Variants in NLGN1 observed in about 807,000 individuals in gnomAD.
NLGN1 encodes the protein neuroligin 1, also known as neuroligin-1.
NLGN1 carries 12 observed loss-of-function variants against 65.5 expected under a neutral mutation model. That is an observed-to-expected ratio of 0.18 (90% CI 0.12 to 0.30). The LOEUF (loss-of-function observed/expected upper bound fraction) is 0.30. Ranked by LOEUF, NLGN1 falls within the 10% of genes least tolerant of loss-of-function variation. The probability of loss-of-function intolerance (pLI) is 1.00; values close to 1 mark genes in which losing one functional copy is unlikely to be tolerated. For synonymous variants in NLGN1, 350 were observed against 359.5 expected (o/e 0.97, Z 0.30); for missense variants, 750 against 1,007.1 (o/e 0.74, Z 3.46).
intron 4 of NLGN1, among the ~76,000 whole-genome samples, chr3:174,236,327 G>C (rs1741709684): frequency 6.6e-6 from 1 of 151,876 alleles, no homozygotes; most frequent in African/African-American, 2.4e-5. Flanking sequence ...TTCCTACCTA[G>C]TCTGTTAAAT....
intron 4 of NLGN1, 46 bp downstream of exon 4, chr3:173,807,878 T>C: frequency 6.4e-7 from 1 of 1,568,282 alleles, no homozygotes; most frequent in Non-Finnish European, 8.8e-7. Flanking sequence ...CCATGAAGTA[T>C]GTGATGGTTT....
At chr3:174,291,919 G>A in the NLGN1 span, among the ~76,000 whole-genome samples, 1 of 151,008 alleles carries the variant, frequency 6.6e-6, no homozygotes, top group Non-Finnish European at 1.5e-5. Flanking sequence ...AAATATGAAG[G>A]TAATAGAAAA....
intron 3 of NLGN1, among the ~76,000 whole-genome samples, chr3:173,631,698 C>G (rs964892784): frequency 7.2e-5 from 11 of 152,094 alleles, no homozygotes; most frequent in African/African-American, 2.4e-4. Context: ...CAAATTTACT[C>G]TAGAATGATA....
At chr3:173,406,228 TG>T (rs1718625102) in intron 1 of NLGN1, among the ~76,000 whole-genome samples, 2 of 151,832 alleles carry the variant, frequency 1.3e-5, no homozygotes, top group South Asian at 4.2e-4. Context: ...AGCCAAATAG[TG>T]GATGTAAAAG....
At chr3:173,906,672 G>T (rs1182328263) in intron 4 of NLGN1, among the ~76,000 whole-genome samples, 1 of 151,762 alleles carries the variant, frequency 6.6e-6, no homozygotes, top group East Asian at 1.9e-4. Context: ...TTTCCCTTCT[G>T]TGTCCTTTTT....
chr3:173,622,029 C>A (rs577145242), intron 3 of NLGN1, among the ~76,000 whole-genome samples: 1 of 152,106 alleles, frequency 6.6e-6, no homozygotes, highest in South Asian at 2.1e-4. Flanking sequence ...TTTACCAAAG[C>A]AGGGAGAAAA....
intron 4 of NLGN1, among the ~76,000 whole-genome samples, chr3:174,173,796 TTA>T (rs1403776284): frequency 6.6e-6 from 1 of 152,002 alleles, no homozygotes; most frequent in East Asian, 1.9e-4. Flanking sequence ...ATCTACATTT[TTA>T]TGTTCTTTTA....
chr3:173,958,384 G>T (rs1021424430), intron 4 of NLGN1, among the ~76,000 whole-genome samples: 3 of 152,092 alleles, frequency 2.0e-5, no homozygotes, highest in African/African-American at 4.8e-5. Flanking sequence ...CACTGGCAGG[G>T]TATCCTGATG....
At chr3:173,549,925 T>C (rs995724823) in intron 2 of NLGN1, among the ~76,000 whole-genome samples, 3 of 152,066 alleles carry the variant, frequency 2.0e-5, no homozygotes, top group African/African-American at 4.8e-5. Flanking sequence ...GACATAACCT[T>C]ATCTTCTACT....
At chr3:174,111,066 C>T (rs77204180) in intron 4 of NLGN1, among the ~76,000 whole-genome samples, 2,821 of 152,004 alleles carry the variant, frequency 0.019, 44 homozygotes, top group Non-Finnish European at 0.027. Context: ...CCAGAATACA[C>T]TGTATTTAAG....
intron 2 of NLGN1, among the ~76,000 whole-genome samples, chr3:173,543,449 G>A (rs1009460034): frequency 3.3e-5 from 5 of 152,200 alleles, no homozygotes; most frequent in East Asian, 1.9e-4. Context: ...AACTCCTGAT[G>A]TATACTTATG....
At chr3:174,143,825 T>G (rs1436508089) in intron 4 of NLGN1, among the ~76,000 whole-genome samples, 1 of 152,258 alleles carries the variant, frequency 6.6e-6, no homozygotes, top group Non-Finnish European at 1.5e-5. Flanking sequence ...TCTATGAAGC[T>G]GAATAATGCA....
At chr3:173,951,087 G>A (rs1286518190) in intron 4 of NLGN1, among the ~76,000 whole-genome samples, 5 of 151,924 alleles carry the variant, frequency 3.3e-5, no homozygotes, top group East Asian at 2.0e-4. Context: ...GGCTGGTCTC[G>A]AACTCCTGAC....
chr3:173,780,092 G>A (rs545107084), intron 3 of NLGN1, among the ~76,000 whole-genome samples: 1 of 152,210 alleles, frequency 6.6e-6, no homozygotes, highest in African/African-American at 2.4e-5. Context: ...GGCTGCCCAT[G>A]GAATATATAA....
chr3:173,576,083 A>G (rs147929482), intron 2 of NLGN1, among the ~76,000 whole-genome samples: 3,610 of 152,226 alleles, frequency 0.024, 56 homozygotes, highest in Middle Eastern at 0.048. Flanking sequence ...ATTTATATGG[A>G]AGCAATTAAA....
At chr3:173,880,856 G>A (rs906914924) in intron 4 of NLGN1, among the ~76,000 whole-genome samples, 2 of 152,026 alleles carry the variant, frequency 1.3e-5, no homozygotes, top group African/African-American at 2.4e-5. Context: ...TTTACTCACC[G>A]TAGAACTTCT....
chr3:173,773,284 T>G (rs563409233), intron 3 of NLGN1, among the ~76,000 whole-genome samples: 2 of 152,150 alleles, frequency 1.3e-5, no homozygotes, highest in Non-Finnish European at 2.9e-5. Context: ...GGGGAAGGAA[T>G]GTGCTTCAAC....
rs191872000 is a variant in NLGN1, at chr3:174,046,086, A to G, written c.647-229229A>G. On this transcript the variant is annotated intron_variant, in intron 4 of 6. Coordinates refer to ENST00000457714, the Ensembl canonical transcript of NLGN1. Reference sequence around the variant, plus strand: ...CTAAAGAGAAAGGTGCTATCTCAATATATGTGAGATTTATTGCAAGTATAT... The same window carrying G: ...CTAAAGAGAAAGGTGCTATCTCAATGTATGTGAGATTTATTGCAAGTATAT... 4.7e-4 allele frequency among the ~76,000 whole-genome samples: 72 copies of G among 152,322 alleles called. 1 individual carries two copies. Among genetic ancestry groups the G allele is most frequent in the African/African-American group, 1.5e-3 (63 of 41,590 alleles).
exon 7 of NLGN1, chr3:174,286,526 T>C (rs1752136572): frequency 6.6e-6 from 1 of 151,566 alleles, no homozygotes; most frequent in East Asian, 1.9e-4. Flanking sequence ...ATGGGACATA[T>C]GTCATGGTTT....
Sources: gnomAD v4.1 joint callset for allele counts (sites outside exome capture counted in the v4.1 genomes callset) on GRCh38, gnomAD v4.1.1 for gene constraint, MANE v1.5 for transcripts, NCBI Gene and HGNC (gene_info 2026-07-23, HGNC 2026-07-21) for gene names.